The following CSNK1A1 variants were observed in gnomAD, a reference collection of about 807,000 sequenced individuals.
CSNK1A1 encodes casein kinase I isoform alpha.
A neutral mutation model predicts 46.1 loss-of-function variants in CSNK1A1; 7 were observed. The observed-to-expected ratio is 0.15, with a 90% CI of 0.09 to 0.29. The LOEUF is 0.29. Ranked by LOEUF, CSNK1A1 falls within the 10% of genes least tolerant of loss-of-function variation. The pLI is 1.00. For synonymous variants in CSNK1A1, 137 were observed against 141.5 expected, an observed-to-expected ratio of 0.97 and a Z score of 0.23; for missense variants, 96 against 417.1, an observed-to-expected ratio of 0.23 and a Z score of 6.71.
At chr5:149,543,295 T>C (rs1314116982) in intron 2 of CSNK1A1, among the ~76,000 whole-genome samples, 2 of 152,160 alleles carry the variant, frequency 1.3e-5, no homozygotes, top group African/African-American at 4.8e-5. Flanking sequence ...TCCCCTGAGA[T>C]TCAACAGTCT....
intron 2 of CSNK1A1, chr5:149,549,394 T>C (rs1762587225): frequency 2.9e-6 from 2 of 680,662 alleles, no homozygotes; most frequent in Non-Finnish European, 5.4e-6. Flanking sequence ...AACAATTTCG[T>C]GTCACATCTG....
chr5:149,534,869 T>C (rs1023224533), intron 2 of CSNK1A1, among the ~76,000 whole-genome samples: 10 of 148,584 alleles, frequency 6.7e-5, no homozygotes, highest in African/African-American at 2.3e-4. Flanking sequence ...GGCTAGCCAC[T>C]GTACTCCATC....
chr5:149,510,095 T>C (rs1761169004), intron 6 of CSNK1A1, 142 bp from the exon 7 acceptor site: 8 of 543,400 alleles, frequency 1.5e-5, no homozygotes, highest in Non-Finnish European at 9.2e-6. Flanking sequence ...CAAAGTATAA[T>C]ACATCTAAAA....
intron 2 of CSNK1A1, among the ~76,000 whole-genome samples, chr5:149,530,980 A>G (rs1028268949): frequency 1.4e-5 from 2 of 146,384 alleles, no homozygotes; most frequent in African/African-American, 2.5e-5. Context: ...AAAAAAAAAG[A>G]ACACATAAAC....
intron 9 of CSNK1A1, chr5:149,497,191 T>A (rs2113032713): frequency 9.5e-7 from 1 of 1,047,954 alleles, no homozygotes; most frequent in Non-Finnish European, 1.1e-6. Flanking sequence ...CACATATTTA[T>A]CAAATCAATG....
At chr5:149,511,963 A>G in intron 5 of CSNK1A1, 91 bp from the exon 6 acceptor site, 1 of 944,762 alleles carries the variant, frequency 1.1e-6, no homozygotes, top group Non-Finnish European at 1.6e-6. Context: ...AATGTTCCCA[A>G]ATGAGGAGGG....
intron 2 of CSNK1A1, among the ~76,000 whole-genome samples, chr5:149,544,737 T>TTATATATATATATATATATA (rs375444306): frequency 0.026 from 2,094 of 80,204 alleles, 100 homozygotes; most frequent in African/African-American, 0.035. Flanking sequence ...GTAAAGAGCT[T>TTATATATATATATATATATA]TATATATATA....
rs747508000 is a variant in CSNK1A1 at position 149,550,051 on chromosome 5, C to T, written c.230+24G>A. 1.2e-6 allele frequency: 2 copies of T among 1,606,408 alleles called. No homozygotes were observed. The highest frequency in any genetic ancestry group is 8.5e-7 in the Non-Finnish European group (1 of 1,175,356). ...CCATTCCGTGCTTCCCTCAGCGGAT[C>T]GCCTATATGCACCGGGTTCTTACCG... is the stretch of plus-strand genomic sequence containing the variant. On this transcript the variant is annotated intron_variant, in intron 2 of 9. Coordinates refer to ENST00000377843, the MANE Select transcript of CSNK1A1 (RefSeq NM_001892.6). The surrounding 1 kb of genome is among the most constrained non-coding windows in gnomAD (Gnocchi z 4.3).
chr5:149,518,812 A>G (rs1160869205), intron 4 of CSNK1A1, among the ~76,000 whole-genome samples: 2 of 151,744 alleles, frequency 1.3e-5, no homozygotes, highest in Non-Finnish European at 2.9e-5. Context: ...GGAGGGGGGG[A>G]AGGCAAAGTG....
At chr5:149,542,993 C>T (rs889218455) in intron 2 of CSNK1A1, among the ~76,000 whole-genome samples, 2 of 151,708 alleles carry the variant, frequency 1.3e-5, no homozygotes, top group Non-Finnish European at 2.9e-5. Flanking sequence ...CTGCGCCTGG[C>T]CACAAATTAA....
rs760972693 is a variant in CSNK1A1, at chr5:149,551,150, G to C, written c.-186C>G. 1.8e-4 allele frequency: 93 copies of C among 523,328 alleles called. No individual in the cohort carries two copies. Among genetic ancestry groups the C allele is most frequent in the Non-Finnish European group, 2.9e-4 (87 of 303,206 alleles). The allele number at this position is 523,328 out of a possible 1,614,324, so 32.4% of individuals were successfully genotyped here. ...GAACCTGATCACCGCCGCTCAGTCA[G>C]GTTTCTTTTTGCCAGGCCGCAGTTT... On this transcript the variant is annotated 5_prime_UTR_variant, in exon 1 of 10. Coordinates refer to ENST00000377843, the MANE Select transcript of CSNK1A1 (RefSeq NM_001892.6).
chr5:149,513,280 T>C (rs1761287006), intron 4 of CSNK1A1, 71 bp from the exon 5 acceptor site: 2 of 1,389,318 alleles, frequency 1.4e-6, no homozygotes. Flanking sequence ...ATTCATTAAA[T>C]GGTATCTATT....
At position 149,493,737 on chromosome 5, in the gene CSNK1A1, C is replaced by A. The variant is rs1019624673; in HGVS notation, c.*3116G>T. On this transcript the variant is annotated 3_prime_UTR_variant, in exon 10 of 10. Coordinates refer to ENST00000377843, the MANE Select transcript of CSNK1A1 (RefSeq NM_001892.6). ...TAATAATGCATTTAAAGTATAGTCT[C>A]ACAAAGTCTCACTTAAGAGAGCAGC... The A allele has an allele frequency of 6.6e-6, 1 of 152,114 alleles. No individual in the cohort carries two copies. The highest frequency in any genetic ancestry group is 2.4e-5 in the African/African-American group (1 of 41,422). 9.4% of individuals were successfully genotyped at this position (152,114 alleles called of 1,614,324 possible).
chr5:149,542,854 C>A (rs1245113844), intron 2 of CSNK1A1, among the ~76,000 whole-genome samples: 3 of 150,030 alleles, frequency 2.0e-5, no homozygotes, highest in Admixed American at 6.7e-5. Context: ...CACCACCATG[C>A]TTGGCTAATT....
rs578255065 is a variant in CSNK1A1, at chr5:149,551,252, C to T, written c.-288G>A. On this transcript the variant is annotated 5_prime_UTR_variant, in exon 1 of 10. Coordinates refer to ENST00000377843, the MANE Select transcript of CSNK1A1 (RefSeq NM_001892.6). ...CGCCGCTGCCTCGCTTGCGCGGCGA[C>T]GTCGCGGGCTGGAAAAGGGGCGCGG... The T allele has an allele frequency of 7.9e-5, 23 of 290,372 alleles. No homozygotes were observed. The East Asian group carries it at 1.7e-3, about 22-fold the overall frequency. 18.0% of individuals were successfully genotyped at this position (290,372 alleles called of 1,614,324 possible).
chr5:149,516,917 T>G (rs1240313838), intron 4 of CSNK1A1, among the ~76,000 whole-genome samples: 1 of 152,200 alleles, frequency 6.6e-6, no homozygotes, highest in African/African-American at 2.4e-5. Flanking sequence ...ATGTTTTTTG[T>G]TTTTTGATTA....
intron 9 of CSNK1A1, chr5:149,501,315 C>T: frequency 1.0e-6 from 1 of 985,376 alleles, no homozygotes; most frequent in Non-Finnish European, 1.2e-6. Flanking sequence ...GATGCGGTTC[C>T]CTGGTACTTC....
At position 149,511,394 on chromosome 5, in the gene CSNK1A1, CCTAG is replaced by C. The variant is rs1761220017; in HGVS notation, c.675+396_675+399del. Among the ~76,000 whole-genome samples the C allele has an allele frequency of 4.1e-5, 6 of 146,352 alleles. No individual in the cohort carries two copies. In the South Asian group the frequency reaches 1.3e-3, roughly 33 times the overall value. On this transcript the variant is annotated intron_variant, in intron 6 of 9. Coordinates refer to ENST00000377843, the MANE Select transcript of CSNK1A1 (RefSeq NM_001892.6). Reference sequence around the variant, plus strand: ...ACACTCACAAAAGTAACAGTAAACTCCTAGCTAATAGAAACAAAATGTTAGGACA... The same window carrying C: ...ACACTCACAAAAGTAACAGTAAACTCCTAATAGAAACAAAATGTTAGGACA...
At chr5:149,542,167 G>A (rs768827583) in intron 2 of CSNK1A1, among the ~76,000 whole-genome samples, 5 of 151,706 alleles carry the variant, frequency 3.3e-5, no homozygotes, top group Non-Finnish European at 7.4e-5. Flanking sequence ...GATTCTCATA[G>A]GAACGCAAAC....
Sources: allele counts gnomAD v4.1 joint callset (sites outside exome capture counted in the v4.1 genomes callset), GRCh38; gene constraint gnomAD v4.1.1; non-coding constraint Gnocchi (gnomAD v3.1); transcripts MANE v1.5; gene names NCBI Gene and HGNC (gene_info 2026-07-23, HGNC 2026-07-21).